The following ZNF573 variants were observed in gnomAD, a reference collection of about 807,000 sequenced individuals.
ZNF573 encodes zinc finger protein 573.
A neutral mutation model predicts 57.4 loss-of-function variants in ZNF573; 41 were observed. That is an observed-to-expected ratio of 0.71 (90% CI 0.56 to 0.93). The LOEUF (loss-of-function observed/expected upper bound fraction) is 0.93, where lower values mean the gene tolerates loss of function less well. ZNF573 is among the 40% of genes least tolerant of loss of function. The probability of loss-of-function intolerance (pLI) is 0.00; values close to 1 mark genes in which losing one functional copy is unlikely to be tolerated. For synonymous variants in ZNF573, 249 were observed against 261.0 expected (o/e 0.95, Z 0.44); for missense variants, 730 against 794.8 (o/e 0.92, Z 0.98).
intron 4 of ZNF573, among the ~76,000 whole-genome samples, chr19:37,751,019 T>C (rs1048866152): frequency 7.3e-5 from 11 of 151,542 alleles, no homozygotes; most frequent in Admixed American, 2.0e-4. Context: ...AAGCAGTATA[T>C]AGTACTGTAT....
chr19:37,753,446 T>C (rs897351066), intron 4 of ZNF573, among the ~76,000 whole-genome samples: 2 of 152,070 alleles, frequency 1.3e-5, no homozygotes, highest in African/African-American at 4.8e-5. Context: ...TGTTGCGCTA[T>C]CAAATACTAG....
chr19:37,748,812 A>AG (rs1318146312), intron 4 of ZNF573, among the ~76,000 whole-genome samples: 1 of 151,744 alleles, frequency 6.6e-6, no homozygotes, highest in Admixed American at 6.6e-5. Flanking sequence ...CTGTAGTCCC[A>AG]GCTAACTCGG....
chr19:37,763,156 G>A (rs1311946680), intron 4 of ZNF573, among the ~76,000 whole-genome samples: 4 of 152,024 alleles, frequency 2.6e-5, no homozygotes, highest in Non-Finnish European at 2.9e-5. Flanking sequence ...AGCACCTGTG[G>A]AAAAGAGAGC....
intron 4 of ZNF573, among the ~76,000 whole-genome samples, chr19:37,763,685 G>A (rs2045573721): frequency 6.6e-6 from 1 of 152,092 alleles, no homozygotes; most frequent in East Asian, 1.9e-4. Context: ...GGAGGAGACT[G>A]GGCATACTAA....
At chr19:37,758,750 G>A (rs2045522695) in intron 4 of ZNF573, among the ~76,000 whole-genome samples, 2 of 152,018 alleles carry the variant, frequency 1.3e-5, no homozygotes, top group African/African-American at 4.8e-5. Context: ...GCTTAGCTTT[G>A]CTAGATGAAC....
chr19:37,744,955 T>C (rs2145282444), intron 4 of ZNF573, among the ~76,000 whole-genome samples: 1 of 151,460 alleles, frequency 6.6e-6, no homozygotes, highest in African/African-American at 2.4e-5. Flanking sequence ...CTAAATTTTT[T>C]GTATTTTTAG....
intron 4 of ZNF573, 111 bp downstream of exon 4, chr19:37,769,894 C>A: frequency 1.1e-6 from 1 of 886,868 alleles, no homozygotes. Context: ...GGCCTTTGCT[C>A]CACAAGTCTG....
At chr19:37,777,771 C>T (rs758706546) in intron 1 of ZNF573, among the ~76,000 whole-genome samples, 13 of 145,496 alleles carry the variant, frequency 8.9e-5, no homozygotes, top group Non-Finnish European at 1.5e-4. Context: ...CGTGGTGGCT[C>T]ATGCTTGTAA....
chr19:37,743,807 C>A (rs2045350996), intron 4 of ZNF573, among the ~76,000 whole-genome samples: 1 of 152,122 alleles, frequency 6.6e-6, no homozygotes, highest in African/African-American at 2.4e-5. Context: ...ACTATGCAGC[C>A]ATAAAAAGAA....
chr19:37,750,715 G>A (rs981676190), intron 4 of ZNF573, among the ~76,000 whole-genome samples: 8 of 151,424 alleles, frequency 5.3e-5, no homozygotes, highest in South Asian at 2.1e-4. Context: ...AGCCAGACAC[G>A]GAGGCTCACA....
rs187194072 is a variant in ZNF573 at position 37,767,855 on chromosome 19, G to A, written c.295+2150C>T. 2.0e-3 allele frequency among the ~76,000 whole-genome samples: 306 copies of A among 152,180 alleles called. 2 individuals carry two copies. The highest frequency in any genetic ancestry group is 2.9e-3 in the Non-Finnish European group (200 of 68,018). On this transcript the variant is annotated intron_variant, in intron 4 of 4. Transcript: ENST00000536220. ...ATGAAGACAAAACTTAGAGACTTGC[G>A]AAAACTTAAAAAGACTTGAAATTGG...
chr19:37,764,677 C>A (rs924470589), intron 4 of ZNF573, among the ~76,000 whole-genome samples: 2 of 150,846 alleles, frequency 1.3e-5, no homozygotes, highest in African/African-American at 4.9e-5. Context: ...TATCTTGGCT[C>A]ACTGCAAGCT....
At chr19:37,768,631 C>T (rs570574979) in intron 4 of ZNF573, among the ~76,000 whole-genome samples, 1 of 152,264 alleles carries the variant, frequency 6.6e-6, no homozygotes, top group South Asian at 2.1e-4. Flanking sequence ...ATTCCACTGC[C>T]TAATAGTAGT....
intron 4 of ZNF573, chr19:37,759,043 A>C: frequency 1.9e-6 from 1 of 533,232 alleles, no homozygotes; most frequent in Non-Finnish European, 2.4e-6. Context: ...TTATAGGCTC[A>C]CACCTGTATT....
At chr19:37,755,008 C>T (rs527534775) in intron 4 of ZNF573, among the ~76,000 whole-genome samples, 1 of 152,192 alleles carries the variant, frequency 6.6e-6, no homozygotes, top group South Asian at 2.1e-4. Flanking sequence ...CTCGCTCTGT[C>T]TCCCAGGCTG....
intron 4 of ZNF573, among the ~76,000 whole-genome samples, chr19:37,752,793 C>G (rs112898524): frequency 6.6e-6 from 1 of 152,046 alleles, no homozygotes; most frequent in Non-Finnish European, 1.5e-5. Context: ...TGCCACCGTG[C>G]CTGGCTAATT....
At chr19:37,772,578 T>G (rs985073858) in intron 2 of ZNF573, among the ~76,000 whole-genome samples, 3 of 152,130 alleles carry the variant, frequency 2.0e-5, no homozygotes, top group African/African-American at 7.2e-5. Flanking sequence ...AATTTTATAA[T>G]GAATATTTCA....
intron 4 of ZNF573, among the ~76,000 whole-genome samples, chr19:37,744,633 C>T (rs1442380343): frequency 3.3e-5 from 5 of 149,792 alleles, no homozygotes; most frequent in East Asian, 4.0e-4. Context: ...CCCAGATATT[C>T]GGGAGGGCAA....
At chr19:37,746,910 C>T (rs559406654) in intron 4 of ZNF573, among the ~76,000 whole-genome samples, 1 of 152,240 alleles carries the variant, frequency 6.6e-6, no homozygotes, top group East Asian at 1.9e-4. Context: ...TCCCATTCTC[C>T]ACTAAAAGGA....
Sources: allele counts gnomAD v4.1 joint callset (sites outside exome capture counted in the v4.1 genomes callset), GRCh38; gene constraint gnomAD v4.1.1; transcripts MANE v1.5; gene names NCBI Gene and HGNC (gene_info 2026-07-23, HGNC 2026-07-21).